ZBTB2: variants seen among roughly 807,000 people sequenced by gnomAD.
The protein encoded by ZBTB2 is zinc finger and BTB domain-containing protein 2.
Under a neutral mutation model 39.5 loss-of-function variants are expected in ZBTB2, and 2 were observed. That is an observed-to-expected ratio of 0.05 (90% CI 0.02 to 0.16). The LOEUF is 0.16. ZBTB2 is among the 10% of genes least tolerant of loss of function. The pLI is 1.00. For synonymous variants in ZBTB2, 251 were observed against 256.6 expected, an observed-to-expected ratio of 0.98 and a Z score of 0.21; for missense variants, 391 against 653.0, an observed-to-expected ratio of 0.60 and a Z score of 4.37.
chr6:151,365,529 G>A lies in ZBTB2; in HGVS notation c.1537C>T (p.Leu513=). Residue 513 remains leucine (L), a synonymous_variant, in exon 3 of 3, where the codon CTA becomes TTA. Coordinates refer to ENST00000325144, the MANE Select transcript of ZBTB2 (RefSeq NM_020861.3). This position sits in a 1 kb window ranked among gnomAD's most constrained non-coding sequence, Gnocchi z 5.6. ...AAAAAGATAAGTGACATTCAGTCTA[G>A]TAAGACGGTTTCTTGTTCCTTTTTG... The part of the protein sequence containing the change: ...SIKKEQETVL[L]D 1.3e-5 allele frequency: 21 copies of A among 1,609,860 alleles called. No individual in the cohort carries two copies. The highest frequency in any genetic ancestry group is 1.8e-5 in the Non-Finnish European group (21 of 1,178,048).
chr6:151,368,683 A>G (rs958311786), intron 2 of ZBTB2, among the ~76,000 whole-genome samples: 1 of 132,900 alleles, frequency 7.5e-6, no homozygotes, highest in Non-Finnish European at 1.6e-5. Flanking sequence ...CGAACTCCTG[A>G]CCTCAGGTGA....
intron 1 of ZBTB2, among the ~76,000 whole-genome samples, chr6:151,390,021 G>A (rs1368440405): frequency 6.6e-6 from 1 of 151,712 alleles, no homozygotes; most frequent in Non-Finnish European, 1.5e-5. Context: ...GAGTCCGGTT[G>A]GGGCGTGAGG....
chr6:151,366,655 A>C lies in ZBTB2; in HGVS notation c.411T>G (p.Ile137Met). 5 of 1,614,112 alleles carry C rather than the reference A, an allele frequency of 3.1e-6. No individual in the cohort carries two copies. Among genetic ancestry groups the C allele is most frequent in the Non-Finnish European group, 4.2e-6 (5 of 1,180,022 alleles). ...TGGCTTGTCTCAACTGATGATCTGCAATCTGAATGCCATACAATGAAGAAG... is the reference window on the plus strand; with the variant it reads ...TGGCTTGTCTCAACTGATGATCTGCCATCTGAATGCCATACAATGAAGAAG... ...PLASSLYGIQ[I>M]ADHQLRQATK... Residue 137 changes from isoleucine to methionine, a missense_variant, in exon 3 of 3, where the codon ATT (isoleucine) becomes ATG (methionine). This residue lies in a region of ZBTB2 where 175 missense variants were observed against 198.6 expected (regional missense o/e 0.88). Coordinates refer to ENST00000325144, the MANE Select transcript of ZBTB2 (RefSeq NM_020861.3). This position sits in a 1 kb window ranked among gnomAD's most constrained non-coding sequence, Gnocchi z 7.1.
chr6:151,390,302 G>T (rs1447745349), intron 1 of ZBTB2, among the ~76,000 whole-genome samples: 1 of 141,626 alleles, frequency 7.1e-6, no homozygotes, highest in Non-Finnish European at 1.6e-5. Context: ...GGCCGGGGGC[G>T]CGGCGCCGGG....
rs141972137 is a variant in ZBTB2 at position 151,376,011 on chromosome 6, C to G, written c.-12-2362G>C. 1.4e-3 allele frequency among the ~76,000 whole-genome samples: 216 copies of G among 152,228 alleles called. 2 individuals are homozygous for G. Among genetic ancestry groups the G allele is most frequent in the Middle Eastern group, 6.8e-3 (2 of 294 alleles). On this transcript the variant is annotated intron_variant, in intron 1 of 2. Coordinates refer to ENST00000325144, the MANE Select transcript of ZBTB2 (RefSeq NM_020861.3). ...TGAATTAATAGAACAAAACTGTGAA[C>G]CCAGAAGTAGACACACATAAATATG... is the stretch of plus-strand genomic sequence containing the variant.
At chr6:151,389,997 G>A (rs1411203089) in intron 1 of ZBTB2, among the ~76,000 whole-genome samples, 2 of 151,402 alleles carry the variant, frequency 1.3e-5, no homozygotes, top group East Asian at 2.0e-4. Context: ...CCGGGAAGCA[G>A]CCTCCCCGCC....
intron 1 of ZBTB2, among the ~76,000 whole-genome samples, chr6:151,375,421 A>G (rs191291322): frequency 6.6e-6 from 1 of 152,358 alleles, no homozygotes; most frequent in East Asian, 1.9e-4. Context: ...TCAACATGGT[A>G]AAGATACCAA....
At chr6:151,384,605 G>A (rs984788114) in intron 1 of ZBTB2, among the ~76,000 whole-genome samples, 14 of 152,298 alleles carry the variant, frequency 9.2e-5, no homozygotes, top group African/African-American at 1.9e-4. Context: ...TTGTATAACC[G>A]CATAGATCTT....
chr6:151,388,034 ATATTCT>A (rs1212914081), intron 1 of ZBTB2, among the ~76,000 whole-genome samples: 6 of 152,114 alleles, frequency 3.9e-5, no homozygotes, highest in Non-Finnish European at 7.3e-5. Context: ...CGTTTTAGAA[ATATTCT>A]TAGTCTAATG....
chr6:151,368,579 G>A (rs892357955), intron 2 of ZBTB2, among the ~76,000 whole-genome samples: 3 of 151,544 alleles, frequency 2.0e-5, no homozygotes, highest in African/African-American at 7.3e-5. Context: ...TCAGCCTCCC[G>A]AGTAGCTGGG....
At chr6:151,368,495 A>G (rs9383885) in intron 2 of ZBTB2, among the ~76,000 whole-genome samples, 147,428 of 151,838 alleles carry the variant, frequency 0.97, 71,594 homozygotes, top group East Asian at 1. Flanking sequence ...TCACTCTGTC[A>G]CCAGGCTGGA....
chr6:151,377,369 A>ATT (rs754374133), intron 1 of ZBTB2, among the ~76,000 whole-genome samples: 63 of 138,748 alleles, frequency 4.5e-4, no homozygotes, highest in African/African-American at 1.3e-3. Flanking sequence ...ATAAAGTTCA[A>ATT]TTTTTTTTTT....
intron 2 of ZBTB2, among the ~76,000 whole-genome samples, chr6:151,373,154 C>CAAAAAAA (rs58019601): frequency 3.6e-5 from 1 of 27,822 alleles, no homozygotes; most frequent in African/African-American, 1.2e-4. Flanking sequence ...GACTCCGTCT[C>CAAAAAAA]AAAAAAAAAA....
At chr6:151,384,582 C>G (rs745645594) in intron 1 of ZBTB2, among the ~76,000 whole-genome samples, 17 of 152,092 alleles carry the variant, frequency 1.1e-4, no homozygotes, top group Non-Finnish European at 2.5e-4. Context: ...AGATGACTTC[C>G]TAGACTTCTT....
intron 1 of ZBTB2, among the ~76,000 whole-genome samples, chr6:151,375,957 T>C (rs1778899529): frequency 1.3e-5 from 2 of 152,180 alleles, no homozygotes; most frequent in Non-Finnish European, 2.9e-5. Flanking sequence ...TATTCAAGAC[T>C]GTGTGGTATT....
intron 2 of ZBTB2, among the ~76,000 whole-genome samples, chr6:151,368,590 A>C (rs1341133350): frequency 6.6e-6 from 1 of 151,570 alleles, no homozygotes; most frequent in African/African-American, 2.4e-5. Flanking sequence ...AGTAGCTGGG[A>C]TTACAGGCGT....
At chr6:151,367,851 G>T (rs1212940071) in intron 2 of ZBTB2, among the ~76,000 whole-genome samples, 1 of 152,190 alleles carries the variant, frequency 6.6e-6, no homozygotes, top group East Asian at 1.9e-4. Flanking sequence ...TATCATTTCA[G>T]AAACATCATT....
In ZBTB2 at chr6:151,366,908, A is replaced by G. The variant is rs538403684; in HGVS notation, c.174-16T>C. On this transcript the variant is annotated splice_polypyrimidine_tract_variant and intron_variant, in intron 2 of 2. Coordinates refer to ENST00000325144, the MANE Select transcript of ZBTB2 (RefSeq NM_020861.3). This position sits in a 1 kb window ranked among gnomAD's most constrained non-coding sequence, Gnocchi z 7.1. ...GACACACTCACTGAAAGAAACAAGTAAAAAAATACGTGAGTAAATGCCAGT... is the reference window on the plus strand; with the variant it reads ...GACACACTCACTGAAAGAAACAAGTGAAAAAATACGTGAGTAAATGCCAGT... 1.9e-6 allele frequency: 3 copies of G among 1,582,884 alleles called. No individual in the cohort carries two copies. In the South Asian group the frequency reaches 3.4e-5, roughly 18 times the overall value.
At chr6:151,369,282 G>A (rs1009172224) in intron 2 of ZBTB2, among the ~76,000 whole-genome samples, 30 of 152,142 alleles carry the variant, frequency 2.0e-4, no homozygotes, top group Admixed American at 1.8e-3. Flanking sequence ...AGAAAGCGGC[G>A]AGTCCCTGGG....
Sources: allele counts gnomAD v4.1 joint callset (sites outside exome capture counted in the v4.1 genomes callset), GRCh38; gene constraint gnomAD v4.1.1; regional missense constraint gnomAD v4.1.1; non-coding constraint Gnocchi (gnomAD v3.1); transcripts MANE v1.5; gene names NCBI Gene and HGNC (gene_info 2026-07-23, HGNC 2026-07-21).